Variants in RBFOX1 observed in about 807,000 individuals in gnomAD.
RBFOX1 encodes the protein RNA binding fox-1 homolog 1.
RBFOX1 carries 8 observed loss-of-function variants against 57.7 expected under a neutral mutation model. The observed-to-expected ratio is 0.14, with a 90% CI of 0.08 to 0.25. The LOEUF is 0.25. RBFOX1 is among the 10% of genes least tolerant of loss of function. The probability of loss-of-function intolerance (pLI) is 1.00; values close to 1 mark genes in which losing one functional copy is unlikely to be tolerated. For missense variants in RBFOX1, 611 were observed against 548.5 expected (o/e 1.11, Z -1.14); for synonymous variants, 326 against 222.4 (o/e 1.47, Z -4.15).
intron 3 of RBFOX1, among the ~76,000 whole-genome samples, chr16:6,756,865 C>T (rs1377273498): frequency 6.6e-6 from 1 of 151,928 alleles, no homozygotes; most frequent in Non-Finnish European, 1.5e-5. Flanking sequence ...GTCACAGCTC[C>T]TTGGGAGGCT....
intron 3 of RBFOX1, among the ~76,000 whole-genome samples, chr16:6,892,023 T>C (rs920742820): frequency 2.0e-5 from 3 of 152,198 alleles, no homozygotes; most frequent in African/African-American, 4.8e-5. Flanking sequence ...CTGTGTTGCC[T>C]ACTTAGAATT....
intron 4 of RBFOX1, among the ~76,000 whole-genome samples, chr16:7,255,081 G>A (rs1283012417): frequency 1.3e-5 from 2 of 152,050 alleles, no homozygotes; most frequent in Non-Finnish European, 2.9e-5. Context: ...ATTAACGTTA[G>A]CTGTTATTTA....
intron 4 of RBFOX1, among the ~76,000 whole-genome samples, chr16:5,917,348 G>A (rs2058728105): frequency 6.6e-6 from 1 of 152,200 alleles, no homozygotes; most frequent in Admixed American, 6.5e-5. Flanking sequence ...ATGCTGCTAA[G>A]CACTTTATGT....
chr16:6,034,347 AAAAAAAAAAAG>A (rs1224503395), intron 1 of RBFOX1, among the ~76,000 whole-genome samples: 2 of 142,442 alleles, frequency 1.4e-5, no homozygotes, highest in East Asian at 2.0e-4. Context: ...AAAAAAAAAA[AAAAAAAAAAAG>A]AAAAGAAAAG....
At chr16:6,440,691 CT>C (rs1567279079) in intron 2 of RBFOX1, among the ~76,000 whole-genome samples, 1 of 151,200 alleles carries the variant, frequency 6.6e-6, no homozygotes, top group Non-Finnish European at 1.5e-5. Context: ...GTCCCAACTA[CT>C]TGGGAGGCTG....
intron 4 of RBFOX1, among the ~76,000 whole-genome samples, chr16:7,431,566 TA>T (rs981476470): frequency 1.3e-5 from 2 of 152,180 alleles, no homozygotes; most frequent in African/African-American, 4.8e-5. Context: ...CTTTTATTTT[TA>T]AAAAATGCTG....
intron 2 of RBFOX1, among the ~76,000 whole-genome samples, chr16:5,523,471 C>T (rs1354355909): frequency 6.6e-6 from 1 of 151,946 alleles, no homozygotes; most frequent in Non-Finnish European, 1.5e-5. Flanking sequence ...AAAAAATTAG[C>T]CAGGTGTGAT....
intron 2 of RBFOX1, among the ~76,000 whole-genome samples, chr16:5,545,558 A>G (rs1237663955): frequency 1.3e-5 from 2 of 152,204 alleles, no homozygotes; most frequent in Admixed American, 1.3e-4. Flanking sequence ...AAATTCAAAT[A>G]TAATCAATAG....
At chr16:7,707,427 T>G (rs1029978798) in intron 14 of RBFOX1, among the ~76,000 whole-genome samples, 3 of 152,098 alleles carry the variant, frequency 2.0e-5, no homozygotes, top group Admixed American at 2.0e-4. Context: ...AAAAGGTACG[T>G]GCAAATTGGG....
chr16:5,579,283 T>G (rs1440602416), intron 2 of RBFOX1, among the ~76,000 whole-genome samples: 9 of 152,146 alleles, frequency 5.9e-5, no homozygotes, highest in Admixed American at 5.9e-4. Context: ...CCTCCAGGCA[T>G]TCTTGCCTCC....
intron 2 of RBFOX1, among the ~76,000 whole-genome samples, chr16:6,595,548 C>G (rs7205891): frequency 0.31 from 46,727 of 152,014 alleles, 8,746 homozygotes; most frequent in Non-Finnish European, 0.41. Context: ...TGTGTACTTA[C>G]GTTTTTATTT....
chr16:5,811,192 C>T (rs1250687006), intron 3 of RBFOX1, among the ~76,000 whole-genome samples: 1 of 128,830 alleles, frequency 7.8e-6, no homozygotes, highest in Non-Finnish European at 1.5e-5. Context: ...ACCCAGGCTG[C>T]AGTGCAATGG....
chr16:7,617,236 C>A (rs190505673), intron 10 of RBFOX1, among the ~76,000 whole-genome samples: 19 of 152,300 alleles, frequency 1.2e-4, no homozygotes, highest in Admixed American at 3.3e-4. Context: ...ATCCCTGTTT[C>A]AACTACTGAG....
intron 11 of RBFOX1, among the ~76,000 whole-genome samples, chr16:7,633,670 A>G (rs1048204781): frequency 6.6e-6 from 1 of 152,202 alleles, no homozygotes; most frequent in Non-Finnish European, 1.5e-5. Context: ...CAGATGGTCA[A>G]TCTCGATTAG....
intron 4 of RBFOX1, among the ~76,000 whole-genome samples, chr16:7,100,001 TC>T (rs1336968940): frequency 6.6e-6 from 1 of 152,092 alleles, no homozygotes; most frequent in African/African-American, 2.4e-5. Flanking sequence ...TCTGAACCAG[TC>T]TTTCAGGTTA....
At chr16:6,011,374 T>A (rs1290425436) in intron 4 of RBFOX1, among the ~76,000 whole-genome samples, 2 of 147,590 alleles carry the variant, frequency 1.4e-5, no homozygotes, top group African/African-American at 5.0e-5. Flanking sequence ...TTACAGAGTG[T>A]TTTTTTTTTA....
chr16:5,785,694 A>C (rs1257308823), intron 3 of RBFOX1, among the ~76,000 whole-genome samples: 1 of 151,808 alleles, frequency 6.6e-6, no homozygotes, highest in Non-Finnish European at 1.5e-5. Context: ...TACCCGGCTA[A>C]TTTTGTATTT....
chr16:6,053,021 C>G (rs902449200), intron 1 of RBFOX1, among the ~76,000 whole-genome samples: 32 of 152,014 alleles, frequency 2.1e-4, no homozygotes, highest in African/African-American at 5.3e-4. Context: ...ATCACCACAT[C>G]TCAGTAATTT....
intron 3 of RBFOX1, chr16:5,610,351 C>G (rs2047732452): frequency 6.6e-6 from 1 of 152,200 alleles, no homozygotes; most frequent in Non-Finnish European, 1.5e-5. Context: ...CAGAGTGTCT[C>G]ACGGGGTTCT....
Sources: allele counts gnomAD v4.1 joint callset (sites outside exome capture counted in the v4.1 genomes callset), GRCh38; gene constraint gnomAD v4.1.1; transcripts MANE v1.5; gene names NCBI Gene and HGNC (gene_info 2026-07-23, HGNC 2026-07-21).